AFG1L: variants seen among roughly 807,000 people sequenced by gnomAD.
AFG1L encodes AFG1-like ATPase.
In AFG1L, 53 loss-of-function variants were observed where a neutral mutation model predicts 62.2. The observed-to-expected ratio is 0.85, with a 90% CI of 0.68 to 1.07. The LOEUF is 1.07. Among genes scored for constraint, AFG1L ranks in the 50% least tolerant of loss-of-function variants. The pLI is 0.00. For missense variants in AFG1L, 555 were observed against 590.5 expected (o/e 0.94, Z 0.62); for synonymous variants, 228 against 210.3 (o/e 1.08, Z -0.73).
intron 7 of AFG1L, among the ~76,000 whole-genome samples, chr6:108,408,482 T>G (rs1781962711): frequency 6.6e-6 from 1 of 152,258 alleles, no homozygotes. Context: ...TGTGCTGAAC[T>G]CTACTGTGCA....
At chr6:108,442,326 CTCTTT>C (rs1201779838) in intron 7 of AFG1L, among the ~76,000 whole-genome samples, 2 of 151,962 alleles carry the variant, frequency 1.3e-5, no homozygotes, top group Non-Finnish European at 2.9e-5. Flanking sequence ...ATTCATATAT[CTCTTT>C]TCTTCTCAAG....
chr6:108,478,822 C>T (rs6932917), intron 10 of AFG1L, among the ~76,000 whole-genome samples: 5,152 of 152,106 alleles, frequency 0.034, 274 homozygotes, highest in African/African-American at 0.12. Flanking sequence ...AAAATATGCT[C>T]ATTGTTTTAG....
chr6:108,443,750 C>T lies in AFG1L; in HGVS notation c.808-3464C>T, dbSNP rs918535137. On this transcript the variant is annotated intron_variant, in intron 7 of 12. Coordinates refer to ENST00000368977, the MANE Select transcript of AFG1L (RefSeq NM_145315.5). The stretch of plus-strand genomic sequence containing the variant: ...ATTACCGGGGCATGGTGACACATGC[C>T]TGTAGTCCCACCTACTTGGGAGGCT... Among the ~76,000 whole-genome samples the T allele has an allele frequency of 3.6e-4, 54 of 151,982 alleles. 1 individual carries two copies. Among genetic ancestry groups the T allele is most frequent in the African/African-American group, 1.3e-3 (53 of 41,428 alleles).
At chr6:108,421,431 G>A (rs1280826097) in intron 7 of AFG1L, among the ~76,000 whole-genome samples, 2 of 152,092 alleles carry the variant, frequency 1.3e-5, no homozygotes, top group Non-Finnish European at 2.9e-5. Context: ...GTCAGAAAAG[G>A]GAATAGATAA....
At chr6:108,343,343 C>T (rs62427155) in intron 2 of AFG1L, among the ~76,000 whole-genome samples, 1 of 138,512 alleles carries the variant, frequency 7.2e-6, no homozygotes, top group Non-Finnish European at 1.7e-5. Context: ...CCACCACGCC[C>T]GGCCAACCTT....
At chr6:108,378,314 G>T (rs915914634) in intron 6 of AFG1L, among the ~76,000 whole-genome samples, 2 of 151,218 alleles carry the variant, frequency 1.3e-5, no homozygotes, top group Admixed American at 6.6e-5. Flanking sequence ...TTGTTTTTTT[G>T]TTTGTTTGTT....
chr6:108,419,445 C>T (rs766811300), intron 7 of AFG1L, among the ~76,000 whole-genome samples: 1 of 152,082 alleles, frequency 6.6e-6, no homozygotes, highest in Non-Finnish European at 1.5e-5. Context: ...AGAATTTTCT[C>T]TTGATGAATT....
At chr6:108,490,043 T>C (rs1773715002) in intron 10 of AFG1L, among the ~76,000 whole-genome samples, 1 of 152,220 alleles carries the variant, frequency 6.6e-6, no homozygotes, top group African/African-American at 2.4e-5. Context: ...CTCACCATTT[T>C]ACTGAAGACT....
chr6:108,402,928 C>G (rs1372824630), intron 7 of AFG1L, among the ~76,000 whole-genome samples: 1 of 152,026 alleles, frequency 6.6e-6, no homozygotes, highest in Non-Finnish European at 1.5e-5. Context: ...TGTATCATCA[C>G]TGCATAGAGT....
At chr6:108,316,745 G>T (rs1272895944) in intron 1 of AFG1L, among the ~76,000 whole-genome samples, 1 of 151,894 alleles carries the variant, frequency 6.6e-6, no homozygotes, top group Admixed American at 6.6e-5. Flanking sequence ...TGTTAGCCGG[G>T]ATGGTCTCAA....
At chr6:108,362,302 G>C (rs1208805321) in intron 5 of AFG1L, among the ~76,000 whole-genome samples, 1 of 151,624 alleles carries the variant, frequency 6.6e-6, no homozygotes, top group African/African-American at 2.4e-5. Flanking sequence ...TTGTTTACAT[G>C]CTTGTTAAAT....
chr6:108,411,736 A>G (rs1166847284), intron 7 of AFG1L, among the ~76,000 whole-genome samples: 1 of 152,250 alleles, frequency 6.6e-6, no homozygotes, highest in African/African-American at 2.4e-5. Context: ...AAGGACATCC[A>G]CACCAAAACC....
intron 7 of AFG1L, among the ~76,000 whole-genome samples, chr6:108,405,715 C>T (rs908145496): frequency 1.1e-4 from 16 of 152,174 alleles, no homozygotes; most frequent in Non-Finnish European, 2.2e-4. Flanking sequence ...ACAAGCACCA[C>T]CATGATTCAT....
chr6:108,441,712 A>AAAATATATATAT (rs1401294615), intron 7 of AFG1L, among the ~76,000 whole-genome samples: 124 of 139,484 alleles, frequency 8.9e-4, no homozygotes, highest in South Asian at 3.9e-3. Flanking sequence ...AAAAAAAAAA[A>AAAATATATATAT]ATATATATAT....
intron 1 of AFG1L, among the ~76,000 whole-genome samples, chr6:108,314,459 C>T (rs1233292619): frequency 2.0e-5 from 3 of 149,130 alleles, no homozygotes; most frequent in South Asian, 2.1e-4. Context: ...TGCTGTGGTG[C>T]GATCTAGGCT....
chr6:108,510,236 G>T lies in AFG1L; in HGVS notation c.1087G>T (p.Glu363Ter). ...GCCACTTGGAGCCAGTGACTATTTGGAACTATCAAAGAATTTTGATACAAT... is the reference window on the plus strand; with the variant it reads ...GCCACTTGGAGCCAGTGACTATTTGTAACTATCAAAGAATTTTGATACAAT... ...ERPLGASDYL[E>*]LSKNFDTIFL... Residue 363 changes from glutamate to a stop codon, truncating the protein, a stop_gained, in exon 11 of 13, where the codon GAA (glutamate) becomes TAA (stop). Coordinates refer to ENST00000368977, the MANE Select transcript of AFG1L (RefSeq NM_145315.5). LOFTEE classifies it high-confidence loss of function. The T allele has an allele frequency of 6.2e-7, 1 of 1,609,782 alleles. No homozygotes were observed. The highest frequency in any genetic ancestry group is 1.3e-5 in the African/African-American group (1 of 74,890).
chr6:108,504,249 A>C (rs953012858), intron 10 of AFG1L, among the ~76,000 whole-genome samples: 1 of 152,224 alleles, frequency 6.6e-6, no homozygotes, highest in Non-Finnish European at 1.5e-5. Flanking sequence ...TGCCTTCCCC[A>C]CTAAGCATAA....
chr6:108,442,951 A>G (rs1386205745), intron 7 of AFG1L, among the ~76,000 whole-genome samples: 1 of 152,162 alleles, frequency 6.6e-6, no homozygotes, highest in Non-Finnish European at 1.5e-5. Flanking sequence ...CAGATGATAA[A>G]CAGCCCTCAG....
intron 3 of AFG1L, among the ~76,000 whole-genome samples, chr6:108,355,055 T>C (rs1779216590): frequency 6.6e-6 from 1 of 152,144 alleles, no homozygotes; most frequent in African/African-American, 2.4e-5. Context: ...ATATGATTCA[T>C]GTTCAATATT....
Sources: allele counts gnomAD v4.1 joint callset (sites outside exome capture counted in the v4.1 genomes callset), GRCh38; gene constraint gnomAD v4.1.1; transcripts MANE v1.5; gene names NCBI Gene and HGNC (gene_info 2026-07-23, HGNC 2026-07-21).